The following PELI2 variants were observed in gnomAD, a reference collection of about 807,000 sequenced individuals.
PELI2 encodes the protein E3 ubiquitin-protein ligase pellino homolog 2.
Under a neutral mutation model 42.3 loss-of-function variants are expected in PELI2, and 23 were observed. The ratio of observed to expected loss-of-function variants is 0.54; its 90% CI spans 0.39 to 0.77. The LOEUF (loss-of-function observed/expected upper bound fraction) is 0.77, where lower values mean the gene tolerates loss of function less well. Ranked by LOEUF, PELI2 falls within the 30% of genes least tolerant of loss-of-function variation. The pLI is 0.00. For synonymous variants in PELI2, 245 were observed against 212.2 expected (o/e 1.15, Z -1.34); for missense variants, 463 against 553.2 (o/e 0.84, Z 1.64).
chr14:56,217,535 C>T (rs1312910258), intron 2 of PELI2, among the ~76,000 whole-genome samples: 1 of 152,222 alleles, frequency 6.6e-6, no homozygotes, highest in African/African-American at 2.4e-5. Context: ...TTCTGAGTGA[C>T]AGCCAAGCCT....
chr14:56,248,689 C>G (rs1227341367), intron 2 of PELI2, among the ~76,000 whole-genome samples: 1 of 152,046 alleles, frequency 6.6e-6, no homozygotes, highest in Non-Finnish European at 1.5e-5. Context: ...GGCCTTGAAT[C>G]TGCAACATGA....
chr14:56,151,875 A>AC (rs1884372581), intron 1 of PELI2, among the ~76,000 whole-genome samples: 1 of 152,172 alleles, frequency 6.6e-6, no homozygotes, highest in Non-Finnish European at 1.5e-5. Context: ...CCCCAATGAC[A>AC]CCTAAGTCTT....
chr14:56,189,509 G>A (rs1299238165), intron 2 of PELI2, among the ~76,000 whole-genome samples: 2 of 152,188 alleles, frequency 1.3e-5, no homozygotes, highest in Non-Finnish European at 2.9e-5. Flanking sequence ...AATCCCTGCT[G>A]GTAGTAATAA....
At chr14:56,132,001 T>C (rs1883503694) in intron 1 of PELI2, among the ~76,000 whole-genome samples, 1 of 152,140 alleles carries the variant, frequency 6.6e-6, no homozygotes, top group African/African-American at 2.4e-5. Context: ...TCACTGAATT[T>C]TCCTTGCTCC....
chr14:56,275,350 G>A (rs1264178077), intron 2 of PELI2, among the ~76,000 whole-genome samples: 2 of 152,116 alleles, frequency 1.3e-5, no homozygotes, highest in East Asian at 3.9e-4. Flanking sequence ...CATGGTTTTG[G>A]GATGATTCAA....
At chr14:56,185,571 T>C (rs1411229527) in intron 2 of PELI2, among the ~76,000 whole-genome samples, 1 of 152,224 alleles carries the variant, frequency 6.6e-6, no homozygotes, top group East Asian at 1.9e-4. Flanking sequence ...TAAAGTAGGT[T>C]TTAAGATACA....
intron 1 of PELI2, among the ~76,000 whole-genome samples, chr14:56,155,554 GC>G (rs1191556801): frequency 1.3e-5 from 2 of 151,056 alleles, no homozygotes; most frequent in Admixed American, 6.6e-5. Context: ...TGTTCTACTG[GC>G]TTTTGGTTTT....
intron 2 of PELI2, among the ~76,000 whole-genome samples, chr14:56,198,010 A>ACACACACACACCCC (rs772024884): frequency 1.0e-4 from 12 of 114,710 alleles, no homozygotes; most frequent in East Asian, 2.2e-4. Flanking sequence ...ACACACACAC[A>ACACACACACACCCC]CACCCACCTC....
intron 2 of PELI2, among the ~76,000 whole-genome samples, chr14:56,203,532 T>A (rs1260377465): frequency 6.6e-6 from 1 of 152,100 alleles, no homozygotes; most frequent in African/African-American, 2.4e-5. Flanking sequence ...ACTATTTGAT[T>A]TATTAGGAAA....
chr14:56,119,686 TG>T, intron 1 of PELI2: 1 of 780,786 alleles, frequency 1.3e-6, no homozygotes, highest in Non-Finnish European at 1.5e-6. Flanking sequence ...CTGGATATAG[TG>T]GGCAGTGAAA....
chr14:56,127,264 A>G (rs1566594986), intron 1 of PELI2, among the ~76,000 whole-genome samples: 1 of 152,194 alleles, frequency 6.6e-6, no homozygotes, highest in Non-Finnish European at 1.5e-5. Flanking sequence ...AATGCATGAC[A>G]CAGATTTTCA....
chr14:56,158,769 A>G (rs1884656543), intron 1 of PELI2, among the ~76,000 whole-genome samples: 1 of 152,236 alleles, frequency 6.6e-6, no homozygotes, highest in Non-Finnish European at 1.5e-5. Context: ...TGTATCTAAA[A>G]TTGATCATTA....
intron 1 of PELI2, among the ~76,000 whole-genome samples, chr14:56,174,173 G>A (rs1885284556): frequency 6.6e-6 from 1 of 152,192 alleles, no homozygotes; most frequent in Admixed American, 6.5e-5. Context: ...AAAGTGCCGG[G>A]ATTACAGGCA....
chr14:56,208,432 G>T (rs921711638), intron 2 of PELI2, among the ~76,000 whole-genome samples: 1 of 152,206 alleles, frequency 6.6e-6, no homozygotes, highest in African/African-American at 2.4e-5. Context: ...TCACTGGAAG[G>T]TGTAGGAGAA....
At chr14:56,241,075 A>G (rs1887958336) in intron 2 of PELI2, among the ~76,000 whole-genome samples, 1 of 150,830 alleles carries the variant, frequency 6.6e-6, no homozygotes, top group East Asian at 2.0e-4. Flanking sequence ...TGGAAACTGG[A>G]CCAGTATCAT....
intron 2 of PELI2, among the ~76,000 whole-genome samples, chr14:56,279,234 A>T (rs928986636): frequency 1.3e-5 from 2 of 152,294 alleles, no homozygotes; most frequent in South Asian, 4.1e-4. Flanking sequence ...CAGATTTTCC[A>T]GTGATTCTTT....
At chr14:56,220,029 TAAC>T (rs1156520228) in intron 2 of PELI2, among the ~76,000 whole-genome samples, 1 of 152,210 alleles carries the variant, frequency 6.6e-6, no homozygotes, top group Non-Finnish European at 1.5e-5. Context: ...AACAATAAGT[TAAC>T]AACACTGAGA....
Position 56,150,681 on chromosome 14 carries a change from G to A in PELI2, c.78-27654G>A, listed in dbSNP as rs140529610. ...TTGAAGGGCTGTCAGCTAGAAAAGTGGCAGATTTATTTGCATTGGTTGAGA... is the reference window on the plus strand; with the variant it reads ...TTGAAGGGCTGTCAGCTAGAAAAGTAGCAGATTTATTTGCATTGGTTGAGA... On this transcript the variant is annotated intron_variant, in intron 1 of 5. Coordinates refer to ENST00000267460, the MANE Select transcript of PELI2 (RefSeq NM_021255.3). Among the ~76,000 whole-genome samples, 292 of 152,280 alleles carry A rather than the reference G, an allele frequency of 1.9e-3. 1 individual carries two copies. The highest frequency in any genetic ancestry group is 3.2e-3 in the Non-Finnish European group (218 of 68,022).
At chr14:56,146,142 A>G (rs1395555527) in intron 1 of PELI2, among the ~76,000 whole-genome samples, 1 of 152,182 alleles carries the variant, frequency 6.6e-6, no homozygotes, top group African/African-American at 2.4e-5. Context: ...GGGATGACTC[A>G]GTGTTCCTAG....
Sources: gnomAD v4.1 joint callset for allele counts (sites outside exome capture counted in the v4.1 genomes callset) on GRCh38, gnomAD v4.1.1 for gene constraint, MANE v1.5 for transcripts, NCBI Gene and HGNC (gene_info 2026-07-23, HGNC 2026-07-21) for gene names.